Variants in SF3B6 observed in about 807,000 individuals in gnomAD.
The protein encoded by SF3B6 is SF3b 14 kDa subunit.
In SF3B6, 3 loss-of-function variants were observed where a neutral mutation model predicts 15.9. The observed-to-expected ratio is 0.19, with a 90% CI of 0.09 to 0.49. The LOEUF (loss-of-function observed/expected upper bound fraction) is 0.49. Among genes scored for constraint, SF3B6 ranks in the 20% least tolerant of loss-of-function variants. The pLI is 0.97. For synonymous variants in SF3B6, 49 were observed against 51.1 expected (o/e 0.96, Z 0.18); for missense variants, 71 against 154.3 (o/e 0.46, Z 2.86).
At chr2:24,073,933 T>C in intron 2 of SF3B6, 143 bp downstream of exon 2, 1 of 617,834 alleles carries the variant, frequency 1.6e-6, no homozygotes, top group Non-Finnish European at 2.9e-6. Context: ...AGATCTCATC[T>C]CTCTGATCTC....
intron 1 of SF3B6, among the ~76,000 whole-genome samples, chr2:24,074,521 A>C (rs949716630): frequency 6.6e-6 from 1 of 152,068 alleles, no homozygotes; most frequent in African/African-American, 2.4e-5. Flanking sequence ...TTAGCCAGGC[A>C]TGGTGGTGGG....
At chr2:24,068,976 A>G (rs143290561) in intron 2 of SF3B6, among the ~76,000 whole-genome samples, 2 of 152,222 alleles carry the variant, frequency 1.3e-5, no homozygotes, top group Non-Finnish European at 2.9e-5. Flanking sequence ...CCTCCCAAGT[A>G]GCTGGGACTG....
chr2:24,075,128 CA>C (rs199794804), intron 1 of SF3B6, among the ~76,000 whole-genome samples: 9 of 146,582 alleles, frequency 6.1e-5, no homozygotes, highest in African/African-American at 7.5e-5. Context: ...GAGTCCATCT[CA>C]AAAAAAAAAG....
chr2:24,073,163 C>A (rs1664683251), intron 2 of SF3B6, among the ~76,000 whole-genome samples: 1 of 152,286 alleles, frequency 6.6e-6, no homozygotes, highest in Non-Finnish European at 1.5e-5. Context: ...ACCTCATAGT[C>A]CTAAAGCCAG....
intron 3 of SF3B6, 97 bp from the exon 4 acceptor site, chr2:24,067,948 A>G (rs1002113394): frequency 3.1e-6 from 3 of 968,470 alleles, no homozygotes; most frequent in Non-Finnish European, 3.3e-6. Flanking sequence ...TAGTAGACAT[A>G]TATCATCACA....
intron 1 of SF3B6, among the ~76,000 whole-genome samples, chr2:24,075,504 C>A (rs542735145): frequency 1.3e-5 from 2 of 151,664 alleles, no homozygotes; most frequent in Non-Finnish European, 2.9e-5. Context: ...GCGGGGATTA[C>A]AGGCATGAGC....
At chr2:24,071,537 G>A (rs184034492) in intron 2 of SF3B6, among the ~76,000 whole-genome samples, 191 of 152,202 alleles carry the variant, frequency 1.3e-3, no homozygotes, top group East Asian at 3.3e-3. Context: ...CCTGGGAGGC[G>A]GAGTTTGCAG....
At chr2:24,073,874 A>G (rs1664691538) in intron 2 of SF3B6, 2 of 470,854 alleles carry the variant, frequency 4.2e-6, no homozygotes, top group Admixed American at 4.1e-5. Flanking sequence ...CTTGGCTCTC[A>G]TTGAGCTGGA....
In SF3B6 at chr2:24,068,211, C is replaced by A. The variant is rs537357092; in HGVS notation, c.288+110G>T. 9.1e-6 allele frequency: 10 copies of A among 1,095,108 alleles called. No individual in the cohort carries two copies. The African/African-American group carries it at 9.4e-5, about 10-fold the overall frequency. The allele number at this position is 1,095,108 out of a possible 1,614,324, so 67.8% of individuals were successfully genotyped here. On this transcript the variant is annotated intron_variant, in intron 3 of 3. Coordinates refer to ENST00000233468, the MANE Select transcript of SF3B6 (RefSeq NM_016047.4). ...ATCTCCTGACCTCGTGATCCGCCCA[C>A]CTCGGCCTCCCAAAATGCTGGGATT... is the stretch of plus-strand genomic sequence containing the variant.
At chr2:24,068,973 A>C (rs1008425887) in intron 2 of SF3B6, among the ~76,000 whole-genome samples, 5 of 152,276 alleles carry the variant, frequency 3.3e-5, no homozygotes, top group African/African-American at 1.2e-4. Context: ...CAGCCTCCCA[A>C]GTAGCTGGGA....
At chr2:24,074,504 T>A (rs191172215) in intron 1 of SF3B6, among the ~76,000 whole-genome samples, 160 of 151,602 alleles carry the variant, frequency 1.1e-3, no homozygotes, top group African/African-American at 3.5e-3. Context: ...ACAAAAATTT[T>A]AAAAAATTAG....
chr2:24,067,669 A>C lies in SF3B6; in HGVS notation c.*93T>G, dbSNP rs1359517216. 3.1e-5 allele frequency: 31 copies of C among 1,015,290 alleles called. No individual in the cohort carries two copies. Among genetic ancestry groups the C allele is most frequent in the Non-Finnish European group, 4.3e-5 (29 of 674,304 alleles). 62.9% of individuals were successfully genotyped at this position (1,015,290 alleles called of 1,614,324 possible). A position where few individuals can be genotyped will look rare whatever the true frequency, so the allele number is the denominator to read the frequency against. ...AAGCAGGTCATTTTGAACCTCAAAT[A>C]AGAAATCACAATATTTAGTATTAAT... On this transcript the variant is annotated 3_prime_UTR_variant, in exon 4 of 4. Coordinates refer to ENST00000233468, the MANE Select transcript of SF3B6 (RefSeq NM_016047.4).
intron 2 of SF3B6, among the ~76,000 whole-genome samples, chr2:24,071,015 C>T (rs1027477302): frequency 4.0e-5 from 6 of 151,608 alleles, no homozygotes; most frequent in South Asian, 2.1e-4. Flanking sequence ...CTTTTTGAGA[C>T]GGAGTCGCAC....
chr2:24,074,213 A>G lies in SF3B6; in HGVS notation c.31-19T>C. ...GTCGAATCTAAAATGAGAAATACGT[A>G]TTGTTATTATAATTAGGGGCATTCT... On this transcript the variant is annotated intron_variant, in intron 1 of 3. Transcript: ENST00000233468. 7.5e-7 allele frequency: 1 copy of G among 1,327,006 alleles called. No homozygotes were observed. The highest frequency in any genetic ancestry group is 1.8e-4 in the Middle Eastern group (1 of 5,486). The allele number at this position is 1,327,006 out of a possible 1,614,324, so 82.2% of individuals were successfully genotyped here. A position where few individuals can be genotyped will look rare whatever the true frequency, so the allele number is the denominator to read the frequency against.
At chr2:24,072,185 C>T (rs1161945892) in intron 2 of SF3B6, among the ~76,000 whole-genome samples, 1 of 151,946 alleles carries the variant, frequency 6.6e-6, no homozygotes, top group African/African-American at 2.4e-5. Flanking sequence ...GGGGGTTTCA[C>T]CATTTGGCCA....
chr2:24,067,687 G>A lies in SF3B6; in HGVS notation c.*75C>T, dbSNP rs976017132. Reference sequence around the variant, plus strand: ...CTCAAATAAGAAATCACAATATTTAGTATTAATTAAAAAGGAAAAAAAGGT... The same window carrying A: ...CTCAAATAAGAAATCACAATATTTAATATTAATTAAAAAGGAAAAAAAGGT... On this transcript the variant is annotated 3_prime_UTR_variant, in exon 4 of 4. Transcript: ENST00000233468. 2.3e-5 allele frequency: 27 copies of A among 1,167,940 alleles called. No homozygotes were observed. Among genetic ancestry groups the A allele is most frequent in the African/African-American group, 4.6e-5 (3 of 65,126 alleles). The allele number at this position is 1,167,940 out of a possible 1,614,324, so 72.3% of individuals were successfully genotyped here. A position where few individuals can be genotyped will look rare whatever the true frequency, so the allele number is the denominator to read the frequency against.
rs1453750214 is a variant in SF3B6, at chr2:24,068,051, C to CT, written c.289-201_289-200insA. On this transcript the variant is annotated intron_variant, in intron 3 of 3. Transcript: ENST00000233468. ...GATCTTGGCTCACTGCAGGCTCCAC[C>CT]CCCTGGGGTTCACGCCATTCTCCTG... Among the ~76,000 whole-genome samples, 7 of 152,324 alleles carry CT rather than the reference C, an allele frequency of 4.6e-5. No individual in the cohort carries two copies. In the East Asian group the frequency reaches 1.3e-3, roughly 29 times the overall value.
At chr2:24,075,079 A>G (rs903467888) in intron 1 of SF3B6, among the ~76,000 whole-genome samples, 5 of 152,194 alleles carry the variant, frequency 3.3e-5, no homozygotes, top group Non-Finnish European at 5.9e-5. Flanking sequence ...CAGTGAGCCA[A>G]GACTGTGCCA....
intron 3 of SF3B6, 58 bp from the exon 4 acceptor site, chr2:24,067,909 T>C (rs752171846): frequency 7.0e-7 from 1 of 1,432,460 alleles, no homozygotes; most frequent in African/African-American, 1.4e-5. Flanking sequence ...ATGAATTTCA[T>C]CAATAGCATT....
Sources: allele counts gnomAD v4.1 joint callset (sites outside exome capture counted in the v4.1 genomes callset), GRCh38; gene constraint gnomAD v4.1.1; transcripts MANE v1.5; gene names NCBI Gene and HGNC (gene_info 2026-07-23, HGNC 2026-07-21).